CNTNAP5: variants seen among roughly 807,000 people sequenced by gnomAD.
The protein encoded by CNTNAP5 is contactin associated protein family member 5, also known as contactin-associated protein-like 5.
CNTNAP5 carries 72 observed loss-of-function variants against 150.2 expected under a neutral mutation model. The observed-to-expected ratio is 0.48, with a 90% confidence interval of 0.40 to 0.58. The LOEUF (loss-of-function observed/expected upper bound fraction) is 0.58, where lower values mean the gene tolerates loss of function less well. Among genes scored for constraint, CNTNAP5 ranks in the 20% least tolerant of loss-of-function variants. CNTNAP5 has a pLI of 0.00. For synonymous variants in CNTNAP5, 672 were observed against 619.8 expected (o/e 1.08, Z -1.25); for missense variants, 1,636 against 1,626.2 (o/e 1.01, Z -0.10).
intron 3 of CNTNAP5, among the ~76,000 whole-genome samples, chr2:124,341,709 C>G (rs189435561): frequency 6.6e-6 from 1 of 152,154 alleles, no homozygotes; most frequent in Admixed American, 6.6e-5. Flanking sequence ...TTCTGGAGGG[C>G]AGTCAGTTGA....
At chr2:124,132,714 G>C (rs1245985641) in intron 1 of CNTNAP5, among the ~76,000 whole-genome samples, 2 of 152,114 alleles carry the variant, frequency 1.3e-5, no homozygotes, top group African/African-American at 4.8e-5. Context: ...ACTCAGCTAA[G>C]AATCATTTCA....
At position 124,858,364 on chromosome 2, in the gene CNTNAP5, A is replaced by T. The variant is rs187647958; in HGVS notation, c.3218-6942A>T. Among the ~76,000 whole-genome samples the T allele has an allele frequency of 1.5e-3, 233 of 152,358 alleles. 1 individual carries two copies. Among genetic ancestry groups the T allele is most frequent in the African/African-American group, 5.3e-3 (221 of 41,592 alleles). On this transcript the variant is annotated intron_variant, in intron 19 of 23. Transcript: ENST00000682447. ...TAAGCAACTTCAGCAAAGTCTCAGG[A>T]TACAAAATCAATGTGCAAAAATCAC...
At chr2:124,773,738 G>T (rs569247615) in intron 17 of CNTNAP5, among the ~76,000 whole-genome samples, 1 of 152,100 alleles carries the variant, frequency 6.6e-6, no homozygotes, top group African/African-American at 2.4e-5. Flanking sequence ...CACTACCACT[G>T]CTTTTCAAGG....
chr2:124,029,241 A>G (rs1366387196), intron 1 of CNTNAP5, among the ~76,000 whole-genome samples: 3 of 152,106 alleles, frequency 2.0e-5, no homozygotes, highest in African/African-American at 7.2e-5. Flanking sequence ...AAGGAGATGA[A>G]CTATACTTTG....
intron 13 of CNTNAP5, among the ~76,000 whole-genome samples, chr2:124,716,170 T>C (rs912118314): frequency 6.6e-6 from 1 of 152,154 alleles, no homozygotes; most frequent in African/African-American, 2.4e-5. Flanking sequence ...ACAAGGCCAC[T>C]ATCAATATGA....
Position 124,652,106 on chromosome 2 carries a change from G to C in CNTNAP5, c.2077+4148G>C, listed in dbSNP as rs549459807. 5.3e-5 allele frequency among the ~76,000 whole-genome samples: 8 copies of C among 152,202 alleles called. No individual in the cohort carries two copies. In the South Asian group the frequency reaches 1.0e-3, roughly 20 times the overall value. On this transcript the variant is annotated intron_variant, in intron 13 of 23. Transcript: ENST00000682447. ...AGTCTCCTTGGATATTTTTTTCCCA[G>C]AACTACTGATAAGTGCCAACCAATG...
At chr2:124,241,415 C>T (rs886935383) in intron 2 of CNTNAP5, among the ~76,000 whole-genome samples, 3 of 152,114 alleles carry the variant, frequency 2.0e-5, no homozygotes, top group Non-Finnish European at 2.9e-5. Flanking sequence ...TAATCTCCAT[C>T]GAACTTTCCA....
chr2:124,408,401 C>T (rs1203335296), intron 3 of CNTNAP5, among the ~76,000 whole-genome samples: 1 of 152,320 alleles, frequency 6.6e-6, no homozygotes, highest in Admixed American at 6.5e-5. Flanking sequence ...GGAGGCCTGC[C>T]TGCCTCTGTA....
intron 3 of CNTNAP5, among the ~76,000 whole-genome samples, chr2:124,305,825 A>C (rs1405635996): frequency 6.6e-6 from 1 of 152,224 alleles, no homozygotes; most frequent in Non-Finnish European, 1.5e-5. Context: ...GTGAGATATA[A>C]ATTTCTTTTA....
intron 21 of CNTNAP5, among the ~76,000 whole-genome samples, chr2:124,894,795 C>T (rs1678269484): frequency 6.6e-6 from 1 of 151,324 alleles, no homozygotes; most frequent in Non-Finnish European, 1.5e-5. Flanking sequence ...TCAAGCAATC[C>T]TCCTGCCTTG....
At chr2:124,389,909 C>T (rs749610504) in intron 3 of CNTNAP5, among the ~76,000 whole-genome samples, 9 of 152,060 alleles carry the variant, frequency 5.9e-5, no homozygotes, top group East Asian at 1.9e-4. Flanking sequence ...AAGGCTGCAG[C>T]GAGCCACGAT....
chr2:124,708,955 T>G lies in CNTNAP5; in HGVS notation c.2078-38274T>G, dbSNP rs1368260936. On this transcript the variant is annotated intron_variant, in intron 13 of 23. Transcript: ENST00000682447. Reference sequence around the variant, plus strand: ...GCAGAGGGCCCAGCTTACAGCACCCTTCTGTGAACACTAAATCACAGTGCA... The same window carrying G: ...GCAGAGGGCCCAGCTTACAGCACCCGTCTGTGAACACTAAATCACAGTGCA... Among the ~76,000 whole-genome samples the G allele has an allele frequency of 7.2e-5, 11 of 152,298 alleles. No individual in the cohort carries two copies. The South Asian group carries it at 2.3e-3, about 32-fold the overall frequency.
chr2:124,547,452 T>C (rs1273531547), intron 10 of CNTNAP5, among the ~76,000 whole-genome samples: 1 of 152,144 alleles, frequency 6.6e-6, no homozygotes, highest in Non-Finnish European at 1.5e-5. Context: ...GAGCTTAGAA[T>C]AACAAAGAGG....
chr2:124,755,972 A>G (rs1248422189), intron 14 of CNTNAP5, among the ~76,000 whole-genome samples: 1 of 152,094 alleles, frequency 6.6e-6, no homozygotes, highest in Non-Finnish European at 1.5e-5. Flanking sequence ...TTTCTAATTT[A>G]TTTTTTAAAA....
At chr2:124,476,713 C>T (rs535199963) in intron 7 of CNTNAP5, among the ~76,000 whole-genome samples, 3 of 152,244 alleles carry the variant, frequency 2.0e-5, no homozygotes, top group African/African-American at 7.2e-5. Context: ...CCATATACCA[C>T]CCTGGCCAGA....
chr2:124,754,504 C>T (rs1180990007), intron 14 of CNTNAP5, among the ~76,000 whole-genome samples: 1 of 152,056 alleles, frequency 6.6e-6, no homozygotes. Context: ...GTGGGTCCTC[C>T]ATGCCTTAAC....
chr2:124,265,449 A>T (rs760161612), intron 3 of CNTNAP5, among the ~76,000 whole-genome samples: 3 of 152,036 alleles, frequency 2.0e-5, no homozygotes, highest in African/African-American at 7.2e-5. Context: ...CCACTTTAAC[A>T]TCATCATTCC....
chr2:124,748,679 A>T (rs1342727508), intron 14 of CNTNAP5, among the ~76,000 whole-genome samples: 1 of 152,194 alleles, frequency 6.6e-6, no homozygotes, highest in Non-Finnish European at 1.5e-5. Context: ...TATAAAGTTA[A>T]GTCAAAATCT....
intron 1 of CNTNAP5, among the ~76,000 whole-genome samples, chr2:124,076,341 T>C (rs1682437100): frequency 6.6e-6 from 1 of 152,170 alleles, no homozygotes. Flanking sequence ...CTCAAATTTC[T>C]TGAAACTGTT....
Sources: gnomAD v4.1 joint callset for allele counts (sites outside exome capture counted in the v4.1 genomes callset) on GRCh38, gnomAD v4.1.1 for gene constraint, MANE v1.5 for transcripts, NCBI Gene and HGNC (gene_info 2026-07-23, HGNC 2026-07-21) for gene names.